Variants in OR11H4 observed in about 807,000 individuals in gnomAD.
OR11H4 encodes olfactory receptor 11H4.
For missense variants in OR11H4, 460 were observed against 371.1 expected (o/e 1.24, Z -1.97); for synonymous variants, 162 against 142.3 (o/e 1.14, Z -0.98).
At chr14:20,242,556 G>A (rs1880957630) in intron 1 of OR11H4, among the ~76,000 whole-genome samples, 1 of 152,100 alleles carries the variant, frequency 6.6e-6, no homozygotes, top group Non-Finnish European at 1.5e-5. Flanking sequence ...CACAGTGACA[G>A]TCTGATCTCT....
At position 20,244,012 on chromosome 14, in the gene OR11H4, G is replaced by C. The variant is rs1881003839; in HGVS notation, c.*246G>C. The C allele has an allele frequency of 2.8e-6, 1 of 350,962 alleles. No individual in the cohort carries two copies. Among genetic ancestry groups the C allele is most frequent in the Non-Finnish European group, 5.1e-6 (1 of 194,616 alleles). 21.7% of individuals were successfully genotyped at this position (350,962 alleles called of 1,614,324 possible). A position where few individuals can be genotyped will look rare whatever the true frequency, so the allele number is the denominator to read the frequency against. Reference sequence around the variant, plus strand: ...ATGATAAAATGGAATTTCTACATGAGATGCCCTCCTGCTGACATGCCCCAT... The same window carrying C: ...ATGATAAAATGGAATTTCTACATGACATGCCCTCCTGCTGACATGCCCCAT... On this transcript the variant is annotated 3_prime_UTR_variant, in exon 2 of 2. Transcript: ENST00000641082.
Position 20,243,113 on chromosome 14 carries a change from T to C in OR11H4, c.292T>C (p.Phe98Leu), listed in dbSNP as rs148848320. The change falls in exon 2 of 2, where the codon TTC becomes CTC. Residue 98 changes from phenylalanine (F) to leucine (L), a missense_variant. Physicochemically the swap from Phe to Leu is conservative, Grantham distance 22 (BLOSUM62 0). Coordinates refer to ENST00000641082, the MANE Select transcript of OR11H4 (RefSeq NM_001004479.2). ...KTKAISFSGC[F>L]LQFYFFFSLG... ...CAAGGCCATCTCATTTTCTGGGTGC[T>C]TCCTCCAGTTCTATTTCTTCTTTTC... is the stretch of plus-strand genomic sequence containing the variant. 200 of 1,614,196 alleles carry C rather than the reference T, an allele frequency of 1.2e-4. 1 individual carries two copies. In the African/African-American group the frequency reaches 2.3e-3, roughly 19 times the overall value.
rs1881001107 is a variant in OR11H4, at chr14:20,243,864, A to G, written c.*98A>G. On this transcript the variant is annotated 3_prime_UTR_variant, in exon 2 of 2. Coordinates refer to ENST00000641082, the MANE Select transcript of OR11H4 (RefSeq NM_001004479.2). ...TTCAGTCCTCAGTCTGAGTAGTTAG[A>G]GGTTGTATATTTTACCTGGAAGTGT... 7.1e-6 allele frequency: 9 copies of G among 1,260,188 alleles called. No individual in the cohort carries two copies. Among genetic ancestry groups the G allele is most frequent in the Non-Finnish European group, 5.4e-6 (5 of 925,328 alleles). The allele number at this position is 1,260,188 out of a possible 1,614,324, so 78.1% of individuals were successfully genotyped here.
At chr14:20,242,737 C>T (rs149944451) in intron 1 of OR11H4, 74 bp from the exon 2 acceptor site, 3 of 1,538,662 alleles carry the variant, frequency 1.9e-6, no homozygotes, top group African/African-American at 2.7e-5. Context: ...CAGTAAAATC[C>T]TTGAGATACG....
In OR11H4 at chr14:20,242,812, C is replaced by G; in HGVS notation, c.-10C>G. On this transcript the variant is annotated splice_region_variant and 5_prime_UTR_variant, in exon 2 of 2. Coordinates refer to ENST00000641082, the MANE Select transcript of OR11H4 (RefSeq NM_001004479.2). The stretch of plus-strand genomic sequence containing the variant: ...CACTCATGTCTTTCTTCTTTGTAGA[C>G]TTAAGACCCATGAACAGGTCAGCAA... 1 of 1,613,414 alleles carries G rather than the reference C, an allele frequency of 6.2e-7. No individual in the cohort carries two copies. The highest frequency in any genetic ancestry group is 1.1e-5 in the South Asian group (1 of 90,932).
In OR11H4 at chr14:20,239,449, C is replaced by A. The variant is rs147242335; in HGVS notation, c.-12+118C>A. 8.6e-3 allele frequency: 1,305 copies of A among 152,556 alleles called. 13 individuals are homozygous for A. The highest frequency in any genetic ancestry group is 0.02 in the Middle Eastern group (6 of 298). 9.5% of individuals were successfully genotyped at this position (152,556 alleles called of 1,614,324 possible). A position where few individuals can be genotyped will look rare whatever the true frequency, so the allele number is the denominator to read the frequency against. On this transcript the variant is annotated intron_variant, in intron 1 of 1. Coordinates refer to ENST00000641082, the MANE Select transcript of OR11H4 (RefSeq NM_001004479.2). ...GTGGCTCATGCCTGTAATCCCACCA[C>A]TTTGGGAGGCCGAGGCAGTCCGATC...
At chr14:20,239,368 T>C (rs1880864475) in intron 1 of OR11H4, 37 bp downstream of exon 1, 1 of 152,120 alleles carries the variant, frequency 6.6e-6, no homozygotes, top group Non-Finnish European at 1.5e-5. Flanking sequence ...TGGTTGGTAG[T>C]TTCTTGTACT....
At chr14:20,242,227 C>T (rs538028168) in intron 1 of OR11H4, among the ~76,000 whole-genome samples, 45 of 152,276 alleles carry the variant, frequency 3.0e-4, no homozygotes, top group East Asian at 1.2e-3. Flanking sequence ...AGACAATACC[C>T]TGCTTTCAAG....
chr14:20,239,431 A>T (rs997324297), intron 1 of OR11H4, 100 bp downstream of exon 1: 1 of 152,480 alleles, frequency 6.6e-6, no homozygotes, highest in South Asian at 2.1e-4. Context: ...GCGGTGGCTC[A>T]TGCCTGTAAT....
intron 1 of OR11H4, among the ~76,000 whole-genome samples, chr14:20,242,078 C>G: frequency 6.6e-6 from 1 of 152,012 alleles, no homozygotes; most frequent in Non-Finnish European, 1.5e-5. Flanking sequence ...TGGCCTTCCT[C>G]TATCTCAACT....
chr14:20,241,995 T>A lies in OR11H4; in HGVS notation c.-11-816T>A, dbSNP rs1233297166. Among the ~76,000 whole-genome samples the A allele has an allele frequency of 2.0e-5, 3 of 152,164 alleles. No individual in the cohort carries two copies. The South Asian group carries it at 6.2e-4, about 32-fold the overall frequency. ...CCACCATAGGGCGGTTTTTCTCCTA[T>A]CTCAGAATTGAACAAATGTACAATC... On this transcript the variant is annotated intron_variant, in intron 1 of 1. Transcript: ENST00000641082.
At chr14:20,239,976 T>C (rs1880880180) in intron 1 of OR11H4, among the ~76,000 whole-genome samples, 1 of 152,190 alleles carries the variant, frequency 6.6e-6, no homozygotes, top group South Asian at 2.1e-4. Context: ...CCATTACTTA[T>C]CTACACTTCT....
In OR11H4 at chr14:20,242,911, G is replaced by T; in HGVS notation, c.90G>T (p.Leu30Phe). ...AGATTCAGATTTTCCTCTTCTCATT[G>T]TTTTTGGTGATTTATGTCTTGACCT... Reference protein sequence around the residue: ...CWKIQIFLFSLFLVIYVLTLL... With the variant: ...CWKIQIFLFSFFLVIYVLTLL... Residue 30 changes from leucine (L) to phenylalanine (F), a missense_variant, in exon 2 of 2, where the codon TTG becomes TTT. Leu to Phe is a conservative substitution (Grantham distance 22). Transcript: ENST00000641082. 6.2e-7 allele frequency: 1 copy of T among 1,614,132 alleles called. No individual in the cohort carries two copies. The highest frequency in any genetic ancestry group is 8.5e-7 in the Non-Finnish European group (1 of 1,180,004).
At chr14:20,240,615 T>C (rs1379598227) in intron 1 of OR11H4, among the ~76,000 whole-genome samples, 1 of 150,518 alleles carries the variant, frequency 6.6e-6, no homozygotes, top group Non-Finnish European at 1.5e-5. Context: ...TCTCGCTCTG[T>C]CACCCAGGCT....
Position 20,243,873 on chromosome 14 carries a change from AT to A in OR11H4, c.*111del. 1 of 1,142,888 alleles carries A rather than the reference AT, an allele frequency of 8.7e-7. No homozygotes were observed. The allele number at this position is 1,142,888 out of a possible 1,614,324, so 70.8% of individuals were successfully genotyped here. A position where few individuals can be genotyped will look rare whatever the true frequency, so the allele number is the denominator to read the frequency against. ...CAGTCTGAGTAGTTAGAGGTTGTAT[AT>A]TTTACCTGGAAGTGTGCCCAGCTTA... On this transcript the variant is annotated 3_prime_UTR_variant, in exon 2 of 2. Transcript: ENST00000641082.
At position 20,242,798 on chromosome 14, in the gene OR11H4, T is replaced by C; in HGVS notation, c.-11-13T>C. ...AGAGACTTGGATTACACTCATGTCT[T>C]TCTTCTTTGTAGACTTAAGACCCAT... On this transcript the variant is annotated splice_polypyrimidine_tract_variant and intron_variant, in intron 1 of 1. Coordinates refer to ENST00000641082, the MANE Select transcript of OR11H4 (RefSeq NM_001004479.2). 6.2e-7 allele frequency: 1 copy of C among 1,611,042 alleles called. No homozygotes were observed. The highest frequency in any genetic ancestry group is 1.7e-4 in the Middle Eastern group (1 of 6,056).
chr14:20,243,622 A>G lies in OR11H4; in HGVS notation c.801A>G (p.Pro267=), dbSNP rs559892128. ...ATGTAAGTCCTACATATGGGATCCC[A>G]ACTTTATTGCAGAAGATCCTCACAC... ...VMYVSPTYGI[P]TLLQKILTLV... is the part of the protein sequence containing the mutation. Residue 267 remains proline, a synonymous_variant, in exon 2 of 2, where the codon CCA becomes CCG. Transcript: ENST00000641082. 6.2e-7 allele frequency: 1 copy of G among 1,614,122 alleles called. No homozygotes were observed. Among genetic ancestry groups the G allele is most frequent in the African/African-American group, 1.3e-5 (1 of 75,020 alleles).
intron 1 of OR11H4, among the ~76,000 whole-genome samples, chr14:20,242,179 G>A (rs1436940128): frequency 2.6e-5 from 4 of 151,952 alleles, no homozygotes; most frequent in South Asian, 4.1e-4. Flanking sequence ...CTCATCCCAC[G>A]AGGCCATATT....
rs1880977867 is a variant in OR11H4, at chr14:20,243,190, C to A, written c.369C>A (p.Tyr123Ter). Residue 123 changes from tyrosine (Y) to a stop codon, truncating the protein, a stop_gained, in exon 2 of 2, where the codon TAC becomes TAA. Coordinates refer to ENST00000641082, the MANE Select transcript of OR11H4 (RefSeq NM_001004479.2). LOFTEE classifies it low-confidence loss of function (END_TRUNC). Reference protein sequence around the residue: ...LFLAVMAYDRYLAICHPLQYP... With the variant: ...LFLAVMAYDR ...TGGCAGTAATGGCTTATGATCGATA[C>A]CTGGCCATCTGCCACCCACTGCAGT... is the stretch of plus-strand genomic sequence containing the variant. 1 of 1,614,136 alleles carries A rather than the reference C, an allele frequency of 6.2e-7. No homozygotes were observed. The highest frequency in any genetic ancestry group is 1.7e-5 in the Admixed American group (1 of 60,020).
Sources: allele counts gnomAD v4.1 joint callset (sites outside exome capture counted in the v4.1 genomes callset), GRCh38; gene constraint gnomAD v4.1.1; transcripts MANE v1.5; gene names NCBI Gene and HGNC (gene_info 2026-07-23, HGNC 2026-07-21).